The following BTRC variants were observed in gnomAD, a reference collection of about 807,000 sequenced individuals.
BTRC encodes beta-transducin repeat containing E3 ubiquitin protein ligase, also known as F-box/WD repeat-containing protein 1A.
In BTRC, 42 loss-of-function variants were observed where a neutral mutation model predicts 85.5. That is an observed-to-expected ratio of 0.49 (90% CI 0.38 to 0.64). The LOEUF (loss-of-function observed/expected upper bound fraction) is 0.64. Ranked by LOEUF, BTRC falls within the 30% of genes least tolerant of loss-of-function variation. BTRC has a pLI of 0.00. For missense variants in BTRC, 594 were observed against 743.5 expected (o/e 0.80, Z 2.34); for synonymous variants, 255 against 263.3 (o/e 0.97, Z 0.30).
In BTRC at chr10:101,555,251, T is replaced by C. The variant is rs2062710161; in HGVS notation, c.*2128T>C. On this transcript the variant is annotated 3_prime_UTR_variant, in exon 15 of 15. Transcript: ENST00000370187. ...CGAGCTGTCTCAAAATATTGCCCAA[T>C]AGCCATAATTTTACCAGCCTTTCTG... 1 of 152,794 alleles carries C rather than the reference T, an allele frequency of 6.5e-6. No individual in the cohort carries two copies. The allele number at this position is 152,794 out of a possible 1,614,324, so 9.5% of individuals were successfully genotyped here.
At chr10:101,424,300 T>C (rs993232456) in intron 1 of BTRC, among the ~76,000 whole-genome samples, 1 of 152,210 alleles carries the variant, frequency 6.6e-6, no homozygotes, top group Non-Finnish European at 1.5e-5. Flanking sequence ...TGGGCAGATA[T>C]GATTATCCTA....
intron 1 of BTRC, among the ~76,000 whole-genome samples, chr10:101,362,973 G>A (rs773836101): frequency 3.5e-4 from 53 of 152,266 alleles, no homozygotes; most frequent in African/African-American, 1.1e-3. Context: ...GTTATGTGCC[G>A]TTTAAGGCAC....
At chr10:101,481,341 G>C (rs1385005983) in intron 4 of BTRC, among the ~76,000 whole-genome samples, 1 of 151,312 alleles carries the variant, frequency 6.6e-6, no homozygotes, top group Non-Finnish European at 1.5e-5. Flanking sequence ...TCTTTTTTTT[G>C]TTTTTGGCCA....
intron 1 of BTRC, among the ~76,000 whole-genome samples, chr10:101,421,257 CTTTA>C (rs1290818059): frequency 6.6e-6 from 1 of 152,034 alleles, no homozygotes; most frequent in African/African-American, 2.4e-5. Flanking sequence ...GGTGCGATTT[CTTTA>C]TTTAGTTTGT....
intron 1 of BTRC, among the ~76,000 whole-genome samples, chr10:101,423,784 A>G (rs1476280726): frequency 6.6e-6 from 1 of 152,216 alleles, no homozygotes. Flanking sequence ...AACTTTACTT[A>G]TCCTCTTTTT....
intron 4 of BTRC, among the ~76,000 whole-genome samples, chr10:101,511,920 G>C (rs1257329422): frequency 6.6e-6 from 1 of 152,086 alleles, no homozygotes; most frequent in Non-Finnish European, 1.5e-5. Flanking sequence ...CAAAGTGCTG[G>C]GATTACAGGC....
chr10:101,476,450 T>C (rs1395761810), intron 3 of BTRC, among the ~76,000 whole-genome samples: 1 of 152,148 alleles, frequency 6.6e-6, no homozygotes, highest in African/African-American at 2.4e-5. Flanking sequence ...GTGACAAGTA[T>C]ATAGGAAATC....
At chr10:101,434,166 A>G (rs1400788475) in intron 2 of BTRC, among the ~76,000 whole-genome samples, 1 of 152,138 alleles carries the variant, frequency 6.6e-6, no homozygotes, top group Admixed American at 6.5e-5. Context: ...GTGGTTTGTT[A>G]TTTTGGTTGA....
intron 4 of BTRC, among the ~76,000 whole-genome samples, chr10:101,487,608 G>C (rs1349027427): frequency 6.6e-6 from 1 of 152,198 alleles, no homozygotes. Context: ...GATAGCTCCT[G>C]ATTGGAGGCG....
chr10:101,529,454 A>G (rs1253845735), intron 6 of BTRC, among the ~76,000 whole-genome samples: 1 of 152,220 alleles, frequency 6.6e-6, no homozygotes, highest in African/African-American at 2.4e-5. Context: ...GAAACAATAA[A>G]GTAGTTAAGA....
intron 1 of BTRC, among the ~76,000 whole-genome samples, chr10:101,408,963 C>G (rs965846922): frequency 9.2e-5 from 14 of 152,148 alleles, no homozygotes; most frequent in African/African-American, 3.4e-4. Context: ...GCAGGGCAAT[C>G]GCTTGAACCG....
chr10:101,437,882 A>G (rs1478174010), intron 2 of BTRC, among the ~76,000 whole-genome samples: 2 of 151,576 alleles, frequency 1.3e-5, no homozygotes, highest in African/African-American at 4.9e-5. Context: ...TCCCTTACCC[A>G]CTCTCTGCCT....
chr10:101,406,425 A>G (rs1943622951), intron 1 of BTRC, among the ~76,000 whole-genome samples: 1 of 151,444 alleles, frequency 6.6e-6, no homozygotes, highest in Non-Finnish European at 1.5e-5. Flanking sequence ...CAGCCTCCCA[A>G]AGTGCTGGGA....
intron 13 of BTRC, among the ~76,000 whole-genome samples, chr10:101,543,788 A>AT (rs1478919232): frequency 2.0e-5 from 3 of 152,228 alleles, no homozygotes; most frequent in Non-Finnish European, 4.4e-5. Flanking sequence ...TTAAAACACT[A>AT]TATGTTCATT....
At chr10:101,500,285 C>T (rs563361489) in intron 4 of BTRC, among the ~76,000 whole-genome samples, 7 of 152,050 alleles carry the variant, frequency 4.6e-5, no homozygotes, top group Admixed American at 1.3e-4. Context: ...GAATACTGTA[C>T]GCAATCATAA....
chr10:101,527,793 CAT>C (rs1346938992), intron 6 of BTRC, among the ~76,000 whole-genome samples: 1 of 142,766 alleles, frequency 7.0e-6, no homozygotes, highest in East Asian at 2.0e-4. Flanking sequence ...CTCTCTCTCA[CAT>C]ACACACACAC....
chr10:101,543,466 T>G (rs1261442498), intron 13 of BTRC, among the ~76,000 whole-genome samples: 1 of 150,544 alleles, frequency 6.6e-6, no homozygotes. Flanking sequence ...TTTTTTTTGT[T>G]TTTTTTTTTT....
intron 2 of BTRC, among the ~76,000 whole-genome samples, chr10:101,454,586 C>T (rs959805323): frequency 1.3e-5 from 2 of 152,010 alleles, no homozygotes; most frequent in East Asian, 3.8e-4. Flanking sequence ...TTGAGACCAG[C>T]TGGGTAATAT....
chr10:101,382,781 G>T (rs1942968493), intron 1 of BTRC, among the ~76,000 whole-genome samples: 1 of 152,048 alleles, frequency 6.6e-6, no homozygotes, highest in South Asian at 2.1e-4. Context: ...TTATTTTTAG[G>T]TAGTTCTAAA....
Sources: gnomAD v4.1 joint callset for allele counts (sites outside exome capture counted in the v4.1 genomes callset) on GRCh38, gnomAD v4.1.1 for gene constraint, MANE v1.5 for transcripts, NCBI Gene and HGNC (gene_info 2026-07-23, HGNC 2026-07-21) for gene names.